The following MAPK10 variants were observed in gnomAD, a reference collection of about 807,000 sequenced individuals.
MAPK10 encodes the protein mitogen-activated protein kinase 10.
MAPK10 carries 25 observed loss-of-function variants against 59.3 expected under a neutral mutation model. The ratio of observed to expected loss-of-function variants is 0.42; its 90% CI spans 0.31 to 0.59. The LOEUF (loss-of-function observed/expected upper bound fraction) is 0.59. Among genes scored for constraint, MAPK10 ranks in the 20% least tolerant of loss-of-function variants. The pLI is 0.15. For missense variants in MAPK10, 351 were observed against 568.9 expected (o/e 0.62, Z 3.90); for synonymous variants, 190 against 200.5 (o/e 0.95, Z 0.44).
intron 3 of MAPK10, among the ~76,000 whole-genome samples, chr4:86,175,720 G>A (rs1012286191): frequency 1.3e-5 from 2 of 152,038 alleles, no homozygotes; most frequent in African/African-American, 2.4e-5. Flanking sequence ...CTGCAGGACC[G>A]TGAACCAATT....
rs143426003 is a variant in MAPK10 at position 86,417,714 on chromosome 4, C to G, written c.-122+35316G>C. 5.0e-3 allele frequency among the ~76,000 whole-genome samples: 768 copies of G among 152,308 alleles called. 7 individuals are homozygous for G. The highest frequency in any genetic ancestry group is 0.018 in the African/African-American group (733 of 41,574). Reference sequence around the variant, plus strand: ...TCTAGAGATCCTCTGAGAACCTACTCACACTTTACAAGATCCCACTGGATT... The same window carrying G: ...TCTAGAGATCCTCTGAGAACCTACTGACACTTTACAAGATCCCACTGGATT... On this transcript the variant is annotated intron_variant, in intron 1 of 13. Coordinates refer to the MAPK10 transcript ENST00000361569.
intron 2 of MAPK10, 115 bp downstream of exon 2, chr4:86,354,415 A>G (rs1733348620): frequency 1.2e-5 from 5 of 434,578 alleles, no homozygotes; most frequent in African/African-American, 6.1e-5. Flanking sequence ...CTGTAGTCGA[A>G]ATTATTTGGA....
intron 1 of MAPK10, among the ~76,000 whole-genome samples, chr4:86,484,078 G>C (rs1753799458): frequency 6.6e-6 from 1 of 152,120 alleles, no homozygotes; most frequent in African/African-American, 2.4e-5. Context: ...GAAGATGAGG[G>C]GAGGAAGCAA....
intron 9 of MAPK10, chr4:86,095,624 C>T (rs2054071376): frequency 1.3e-5 from 2 of 151,794 alleles, no homozygotes; most frequent in Admixed American, 1.3e-4. Flanking sequence ...TGTAATTCTT[C>T]TGCCGATAAA....
intron 1 of MAPK10, among the ~76,000 whole-genome samples, chr4:86,535,415 A>G (rs966516381): frequency 2.6e-5 from 4 of 152,322 alleles, no homozygotes; most frequent in Non-Finnish European, 5.9e-5. Context: ...AAGAATATAT[A>G]TATTTTTTGA....
chr4:86,053,573 T>C (rs1160114844), intron 11 of MAPK10, among the ~76,000 whole-genome samples: 16 of 152,182 alleles, frequency 1.1e-4, no homozygotes, highest in Non-Finnish European at 2.2e-4. Flanking sequence ...TTATTCTTCC[T>C]CTTAGTATAA....
At chr4:86,135,542 AC>A (rs2061856026) in intron 4 of MAPK10, among the ~76,000 whole-genome samples, 1 of 152,160 alleles carries the variant, frequency 6.6e-6, no homozygotes, top group Admixed American at 6.5e-5. Context: ...TCTGTACATC[AC>A]CATCATCAAA....
chr4:86,091,874 A>G (rs2053263079), intron 9 of MAPK10, among the ~76,000 whole-genome samples: 1 of 151,904 alleles, frequency 6.6e-6, no homozygotes, highest in South Asian at 2.1e-4. Flanking sequence ...GGGTTTCACC[A>G]TGTTGGCCAG....
chr4:86,134,420 T>C, intron 4 of MAPK10, among the ~76,000 whole-genome samples: 1 of 152,186 alleles, frequency 6.6e-6, no homozygotes, highest in East Asian at 1.9e-4. Context: ...CAAACTCCAT[T>C]AATAGCAATT....
chr4:86,200,167 A>T (rs994370160), intron 2 of MAPK10, among the ~76,000 whole-genome samples: 1 of 152,110 alleles, frequency 6.6e-6, no homozygotes, highest in Non-Finnish European at 1.5e-5. Flanking sequence ...TAATGTTTTA[A>T]TTTTTTAACA....
intron 3 of MAPK10, among the ~76,000 whole-genome samples, chr4:86,183,590 C>A (rs1388891268): frequency 6.6e-6 from 1 of 152,050 alleles, no homozygotes; most frequent in African/African-American, 2.4e-5. Flanking sequence ...AATAGTGCCG[C>A]AATAAACATA....
intron 3 of MAPK10, among the ~76,000 whole-genome samples, chr4:86,172,654 G>T (rs568687020): frequency 2.5e-4 from 38 of 150,938 alleles, no homozygotes; most frequent in Non-Finnish European, 4.1e-4. Context: ...CAGCACACCA[G>T]CATGGCACGT....
intron 3 of MAPK10, among the ~76,000 whole-genome samples, chr4:86,171,812 T>G (rs1299026136): frequency 1.3e-5 from 2 of 150,538 alleles, no homozygotes; most frequent in South Asian, 2.1e-4. Context: ...GGGAGAAAAT[T>G]TTCCCAACCT....
chr4:86,304,244 A>G (rs1564171213), intron 2 of MAPK10, among the ~76,000 whole-genome samples: 1 of 152,156 alleles, frequency 6.6e-6, no homozygotes, highest in Non-Finnish European at 1.5e-5. Context: ...AAGAGTATAG[A>G]CTGTCCAAAA....
chr4:86,195,584 T>A lies in MAPK10; in HGVS notation c.-6-1177A>T, dbSNP rs919687650. On this transcript the variant is annotated intron_variant, in intron 2 of 13. Coordinates refer to ENST00000641462, the MANE Select transcript of MAPK10 (RefSeq NM_138982.4). The stretch of plus-strand genomic sequence containing the variant: ...ACTTCTTTTTTTATTTGTATTTTTT[T>A]ATTATACTTTAAGTACTGGGATACA... Among the ~76,000 whole-genome samples, 4 of 152,136 alleles carry A rather than the reference T, an allele frequency of 2.6e-5. No homozygotes were observed. The South Asian group carries it at 6.2e-4, about 24-fold the overall frequency.
At chr4:86,545,633 C>A (rs1045799177) in intron 1 of MAPK10, among the ~76,000 whole-genome samples, 3 of 151,974 alleles carry the variant, frequency 2.0e-5, no homozygotes, top group Admixed American at 6.6e-5. Flanking sequence ...GGTGGGACAT[C>A]GGGGAGAGGG....
chr4:86,077,980 A>G (rs952570925), intron 9 of MAPK10, among the ~76,000 whole-genome samples: 3 of 152,200 alleles, frequency 2.0e-5, no homozygotes, highest in Non-Finnish European at 4.4e-5. Context: ...GTTAAGCATC[A>G]TTATATTAAA....
intron 2 of MAPK10, among the ~76,000 whole-genome samples, chr4:86,200,894 A>G (rs935682934): frequency 1.3e-5 from 2 of 151,848 alleles, no homozygotes; most frequent in African/African-American, 4.8e-5. Flanking sequence ...TTTAAAATAT[A>G]CAATAAATTA....
At chr4:86,524,298 T>C (rs970584290) in intron 1 of MAPK10, among the ~76,000 whole-genome samples, 6 of 152,204 alleles carry the variant, frequency 3.9e-5, no homozygotes, top group African/African-American at 1.4e-4. Context: ...CCCTTTACTC[T>C]CTAACTCTCC....
Sources: allele counts gnomAD v4.1 joint callset (sites outside exome capture counted in the v4.1 genomes callset), GRCh38; gene constraint gnomAD v4.1.1; transcripts MANE v1.5; gene names NCBI Gene and HGNC (gene_info 2026-07-23, HGNC 2026-07-21).